GNL3: variants seen among roughly 807,000 people sequenced by gnomAD.
GNL3 encodes the protein G protein nucleolar 3.
GNL3 carries 77 observed loss-of-function variants against 70.6 expected under a neutral mutation model. The ratio of observed to expected loss-of-function variants is 1.09; its 90% CI spans 0.91 to 1.32. The LOEUF (loss-of-function observed/expected upper bound fraction) is 1.32, where lower values mean the gene tolerates loss of function less well. Among genes scored for constraint, GNL3 ranks in the 40% most tolerant of loss-of-function variants. The pLI, the probability that GNL3 is intolerant of heterozygous loss-of-function variation, is 0.00. For synonymous variants in GNL3, 252 were observed against 216.1 expected, an observed-to-expected ratio of 1.17 and a Z score of -1.46; for missense variants, 634 against 644.0, an observed-to-expected ratio of 0.98 and a Z score of 0.17.
intron 4 of GNL3, 114 bp from the exon 5 acceptor site, chr3:52,687,995 T>C: frequency 1.4e-6 from 1 of 708,008 alleles, no homozygotes; most frequent in Admixed American, 2.1e-5. Flanking sequence ...GAGTTCAGAC[T>C]CCATCTTACC....
In GNL3 at chr3:52,688,432, G is replaced by A. The variant is rs117150867; in HGVS notation, c.408+240G>A. Among the ~76,000 whole-genome samples, 82 of 152,194 alleles carry A rather than the reference G, an allele frequency of 5.4e-4. 2 individuals are homozygous for A. In the East Asian group the frequency reaches 0.014, roughly 26 times the overall value. On this transcript the variant is annotated intron_variant, in intron 5 of 14. Transcript: ENST00000418458. ...CCTTTTCACCAACAAATCATTTCGT[G>A]ACTCGACTCTAGCTTATGCTGTTTA...
intron 5 of GNL3, 94 bp from the exon 6 acceptor site, chr3:52,688,980 G>A (rs1396820740): frequency 1.0e-5 from 10 of 992,736 alleles, no homozygotes; most frequent in East Asian, 2.4e-5. Context: ...GATAATGCCA[G>A]TACTCTCTTG....
chr3:52,687,278 G>C lies in GNL3; in HGVS notation c.105G>C (p.Glu35Asp), dbSNP rs959514560. Residue 35 changes from glutamate to aspartate, a missense_variant, in exon 3 of 15, where the codon GAG becomes GAC. Physicochemically the swap from Glu to Asp is conservative, Grantham distance 45. Coordinates refer to ENST00000418458, the MANE Select transcript of GNL3 (RefSeq NM_014366.5). ...AACATCATCGAAAATTAAGAAAGGAGGCTAAAAAGCGGGGTCACAAGAAGC... is the reference window on the plus strand; with the variant it reads ...AACATCATCGAAAATTAAGAAAGGACGCTAAAAAGCGGGGTCACAAGAAGC... ...VREHHRKLRKEAKKRGHKKPR... is the reference protein window; with the variant it reads ...VREHHRKLRKDAKKRGHKKPR... The C allele has an allele frequency of 5.0e-6, 8 of 1,613,014 alleles. No homozygotes were observed. The highest frequency in any genetic ancestry group is 3.3e-5 in the South Asian group (3 of 91,066).
Position 52,688,333 on chromosome 3 carries a change from C to G in GNL3, c.408+141C>G, listed in dbSNP as rs1309728117. 23 of 578,652 alleles carry G rather than the reference C, an allele frequency of 4.0e-5. No individual in the cohort carries two copies. The South Asian group carries it at 4.9e-4, about 12-fold the overall frequency. The allele number at this position is 578,652 out of a possible 1,614,324, so 35.8% of individuals were successfully genotyped here. On this transcript the variant is annotated intron_variant, in intron 5 of 14. Coordinates refer to ENST00000418458, the MANE Select transcript of GNL3 (RefSeq NM_014366.5). ...ACTTGCGTCATAGGGGTTTGCTGTA[C>G]AGATTATTTCATCACCCAGGTATTA...
chr3:52,694,088 G>C lies in GNL3; in HGVS notation c.1552G>C (p.Glu518Gln). The change falls in exon 14 of 15, where the codon GAG becomes CAG. Residue 518 changes from glutamate to glutamine, a missense_variant. Coordinates refer to ENST00000418458, the MANE Select transcript of GNL3 (RefSeq NM_014366.5). ...AAEETGEALSEETTAGEQSTR... is the reference protein window; with the variant it reads ...AAEETGEALSQETTAGEQSTR... ...AGAAGAGACAGGGGAGGCACTGTCTGAGGAGACTACAGCAGGTGAGGCAGG... is the reference window on the plus strand; with the variant it reads ...AGAAGAGACAGGGGAGGCACTGTCTCAGGAGACTACAGCAGGTGAGGCAGG... 6.2e-7 allele frequency: 1 copy of C among 1,612,854 alleles called. No homozygotes were observed. Among genetic ancestry groups the C allele is most frequent in the Non-Finnish European group, 8.5e-7 (1 of 1,178,782 alleles).
Position 52,687,246 on chromosome 3 carries a change from G to T in GNL3, c.73G>T (p.Val25Phe), listed in dbSNP as rs1170303484. The change falls in exon 3 of 15, where the codon GTT becomes TTT. Residue 25 changes from valine to phenylalanine, a missense_variant and splice_region_variant. Physicochemically the swap from Val to Phe is conservative, Grantham distance 50 (BLOSUM62 -1). Coordinates refer to ENST00000418458, the MANE Select transcript of GNL3 (RefSeq NM_014366.5). ...CHKRYKIQKK[V>F]REHHRKLRKE... ...AGACAAAATCTCTTTATTTTAATAG[G>T]TTCGAGAACATCATCGAAAATTAAG... 1 of 1,610,896 alleles carries T rather than the reference G, an allele frequency of 6.2e-7. No homozygotes were observed. Among genetic ancestry groups the T allele is most frequent in the Non-Finnish European group, 8.5e-7 (1 of 1,177,690 alleles).
intron 7 of GNL3, 88 bp from the exon 8 acceptor site, chr3:52,690,857 A>G (rs1226209651): frequency 3.7e-6 from 5 of 1,360,828 alleles, no homozygotes; most frequent in Non-Finnish European, 5.2e-6. Context: ...AGTTATCTTA[A>G]GAGCTGGGCT....
chr3:52,693,948 A>G lies in GNL3; in HGVS notation c.1501-89A>G, dbSNP rs1293311415. On this transcript the variant is annotated intron_variant, in intron 13 of 14. Coordinates refer to ENST00000418458, the MANE Select transcript of GNL3 (RefSeq NM_014366.5). ...TGCACATCCCGTTATATGTACCTCC[A>G]AAGAGTTAATTTTTCAGGTACATAA... 3.7e-5 allele frequency: 49 copies of G among 1,332,874 alleles called. No homozygotes were observed. In the East Asian group the frequency reaches 8.5e-4, roughly 23 times the overall value. 82.6% of individuals were successfully genotyped at this position (1,332,874 alleles called of 1,614,324 possible).
At chr3:52,688,838 A>G in intron 5 of GNL3, 1 of 531,888 alleles carries the variant, frequency 1.9e-6, no homozygotes, top group Non-Finnish European at 3.4e-6. Flanking sequence ...CATTTTTGAA[A>G]TCCATCTTGA....
At chr3:52,687,873 G>T (rs557630998) in intron 4 of GNL3, 29 of 589,938 alleles carry the variant, frequency 4.9e-5, no homozygotes, top group Non-Finnish European at 7.3e-5. Context: ...TCAGCCTCCC[G>T]AAGTTTCTGG....
Position 52,694,424 on chromosome 3 carries a change from G to A in GNL3, c.*149G>A. On this transcript the variant is annotated 3_prime_UTR_variant, in exon 15 of 15. Transcript: ENST00000418458. ...AGGCAACTTGGAATCCCTAAATTCT[G>A]TAAAAAGACAATTCATCTCATTGTG... 6 of 584,206 alleles carry A rather than the reference G, an allele frequency of 1.0e-5. No individual in the cohort carries two copies. The highest frequency in any genetic ancestry group is 2.3e-5 in the South Asian group (1 of 43,436). 36.2% of individuals were successfully genotyped at this position (584,206 alleles called of 1,614,324 possible). A position where few individuals can be genotyped will look rare whatever the true frequency, so the allele number is the denominator to read the frequency against.
rs186702476 is a variant in GNL3, at chr3:52,694,184, G to A, written c.1568-9G>A. ...TTTTTGAAAATCTCTTTATTTTCCT[G>A]CAATATAGGTGAACAGTCTACAAGG... is the stretch of plus-strand genomic sequence containing the variant. On this transcript the variant is annotated splice_polypyrimidine_tract_variant and intron_variant, in intron 14 of 14. Transcript: ENST00000418458. The A allele has an allele frequency of 5.0e-5, 80 of 1,599,492 alleles. No individual in the cohort carries two copies. The Admixed American group carries it at 1.1e-3, about 21-fold the overall frequency.
chr3:52,690,589 C>T lies in GNL3; in HGVS notation c.542-3C>T, dbSNP rs1227683286. 7.1e-6 allele frequency: 11 copies of T among 1,542,236 alleles called. No individual in the cohort carries two copies. The highest frequency in any genetic ancestry group is 9.0e-6 in the Non-Finnish European group (10 of 1,114,748). On this transcript the variant is annotated splice_polypyrimidine_tract_variant and splice_region_variant and intron_variant, in intron 6 of 14. Transcript: ENST00000418458. The stretch of plus-strand genomic sequence containing the variant: ...CAAATGTCTTATTTCTAATTGCTAT[C>T]AGATCTGGTACCAAAGGAGAATTTG...
chr3:52,693,132 A>C, intron 10 of GNL3, 55 bp from the exon 11 acceptor site: 7 of 1,599,420 alleles, frequency 4.4e-6, no homozygotes, highest in Non-Finnish European at 1.7e-6. Flanking sequence ...GAAGTGTTTT[A>C]AAGTACTGGC....
chr3:52,690,992 C>T lies in GNL3; in HGVS notation c.702C>T (p.Cys234=). 1 of 1,613,682 alleles carries T rather than the reference C, an allele frequency of 6.2e-7. No individual in the cohort carries two copies. The highest frequency in any genetic ancestry group is 8.5e-7 in the Non-Finnish European group (1 of 1,179,576). ...KNAAPFRSEV[C]FGKEGLWKLL... The stretch of plus-strand genomic sequence containing the variant: ...CTGCTCCATTCAGAAGTGAAGTCTG[C>T]TTTGGGAAAGAGGGCCTTTGGAAAC... The change falls in exon 8 of 15, where the codon TGC becomes TGT. Residue 234 remains cysteine, a synonymous_variant. Transcript: ENST00000418458.
chr3:52,691,502 T>G, intron 8 of GNL3, 40 bp from the exon 9 acceptor site: 1 of 1,172,760 alleles, frequency 8.5e-7, no homozygotes, highest in Non-Finnish European at 1.3e-6. Context: ...AGTGCCAACA[T>G]ATAATGCTTT....
At chr3:52,689,463 T>C (rs765606033) in intron 6 of GNL3, 88 of 524,778 alleles carry the variant, frequency 1.7e-4, no homozygotes, top group Non-Finnish European at 2.8e-4. Flanking sequence ...ACCCAGCTTA[T>C]TGTGTAGTAT....
chr3:52,692,167 G>A (rs902986602), intron 9 of GNL3, among the ~76,000 whole-genome samples: 1 of 152,200 alleles, frequency 6.6e-6, no homozygotes, highest in South Asian at 2.1e-4. Context: ...CTGGCCTTGA[G>A]AAATTAATAG....
chr3:52,685,923 G>A, upstream of GNL3: 5 of 669,370 alleles, frequency 7.5e-6, no homozygotes, highest in South Asian at 4.9e-5. Context: ...CAGTCCCGCG[G>A]CCGCCAAGCG....
Sources: allele counts gnomAD v4.1 joint callset (sites outside exome capture counted in the v4.1 genomes callset), GRCh38; gene constraint gnomAD v4.1.1; transcripts MANE v1.5; gene names NCBI Gene and HGNC (gene_info 2026-07-23, HGNC 2026-07-21).